FGGY: variants seen among roughly 807,000 people sequenced by gnomAD.
FGGY encodes FGGY carbohydrate kinase domain-containing protein.
Under a neutral mutation model 71.3 loss-of-function variants are expected in FGGY, and 72 were observed. The observed-to-expected ratio is 1.01, with a 90% CI of 0.84 to 1.23. The LOEUF (loss-of-function observed/expected upper bound fraction) is 1.23. Ranked by LOEUF, FGGY falls within the 50% of genes most tolerant of loss-of-function variation. The probability of loss-of-function intolerance (pLI) is 0.00; values close to 1 mark genes in which losing one functional copy is unlikely to be tolerated. For synonymous variants in FGGY, 251 were observed against 250.3 expected (o/e 1.00, Z -0.02); for missense variants, 668 against 682.3 (o/e 0.98, Z 0.23).
chr1:59,442,851 A>G (rs1033355360), intron 5 of FGGY, among the ~76,000 whole-genome samples: 3 of 152,230 alleles, frequency 2.0e-5, no homozygotes, highest in African/African-American at 7.2e-5. Context: ...ATTTTGCACA[A>G]TGGGAAAAGA....
intron 5 of FGGY, among the ~76,000 whole-genome samples, chr1:59,441,005 C>G (rs1223198272): frequency 6.6e-6 from 1 of 152,060 alleles, no homozygotes; most frequent in African/African-American, 2.4e-5. Context: ...GCGTTTTTCT[C>G]TGGTATTTAT....
intron 6 of FGGY, among the ~76,000 whole-genome samples, chr1:59,491,926 C>A (rs781685007): frequency 6.6e-6 from 1 of 152,014 alleles, no homozygotes; most frequent in East Asian, 1.9e-4. Flanking sequence ...ATAATAGACG[C>A]GTGTCGTTCT....
intron 4 of FGGY, 56 bp downstream of exon 4, chr1:59,346,454 T>TGTGGACCTGTAGGTACC (rs1557624432): frequency 3.8e-6 from 6 of 1,588,010 alleles, no homozygotes. Flanking sequence ...TTCCTGTTAC[T>TGTGGACCTGTAGGTACC]GTGGACCTGT....
At chr1:59,616,676 A>T (rs1436098769) in intron 9 of FGGY, among the ~76,000 whole-genome samples, 2 of 152,082 alleles carry the variant, frequency 1.3e-5, no homozygotes, top group East Asian at 3.9e-4. Context: ...ATTAATTGTA[A>T]TAATTGTAGC....
chr1:59,393,852 C>T (rs2060996428), intron 5 of FGGY, among the ~76,000 whole-genome samples: 1 of 152,050 alleles, frequency 6.6e-6, no homozygotes. Context: ...ATTTTGGCCC[C>T]CAACCCCCTC....
At chr1:59,436,986 T>G (rs1572135439) in intron 5 of FGGY, among the ~76,000 whole-genome samples, 1 of 152,132 alleles carries the variant, frequency 6.6e-6, no homozygotes. Context: ...CCTGACCCAT[T>G]GTTAATTAGA....
chr1:59,587,316 C>T (rs2096318616), intron 8 of FGGY, among the ~76,000 whole-genome samples: 1 of 152,052 alleles, frequency 6.6e-6, no homozygotes, highest in Non-Finnish European at 1.5e-5. Flanking sequence ...TGGAGCCCAC[C>T]ACAGCTCAAG....
chr1:59,565,040 G>A (rs1026878965), intron 8 of FGGY, among the ~76,000 whole-genome samples: 7 of 152,134 alleles, frequency 4.6e-5, no homozygotes, highest in African/African-American at 1.7e-4. Context: ...TTCTCCCAAG[G>A]GTACAAGGGA....
intron 5 of FGGY, among the ~76,000 whole-genome samples, chr1:59,412,555 G>A (rs967804860): frequency 1.1e-4 from 17 of 152,012 alleles, no homozygotes; most frequent in Admixed American, 3.3e-4. Context: ...TGCTGTCTCG[G>A]GGACCCAGGA....
chr1:59,374,888 T>G lies in FGGY; in HGVS notation c.466-3861T>G, dbSNP rs905652587. On this transcript the variant is annotated intron_variant, in intron 4 of 15. Coordinates refer to ENST00000303721, the MANE Select transcript of FGGY (RefSeq NM_018291.5). ...ACACATGGTCACAGGAAGGGGAACA[T>G]CACACTCTGGGGACTGTTGTGGGGT... Among the ~76,000 whole-genome samples the G allele has an allele frequency of 2.3e-4, 26 of 111,712 alleles. 1 individual carries two copies. The highest frequency in any genetic ancestry group is 1.3e-3 in the Admixed American group (10 of 7,524). The allele number at this position is 111,712 out of a possible 152,430, so 73.3% of individuals were successfully genotyped here.
At chr1:59,435,200 C>T (rs1186914327) in intron 5 of FGGY, among the ~76,000 whole-genome samples, 1 of 152,162 alleles carries the variant, frequency 6.6e-6, no homozygotes, top group African/African-American at 2.4e-5. Context: ...ATTATGTCCC[C>T]TGTTTTATAA....
rs1175208000 is a variant in FGGY at position 59,609,628 on chromosome 1, T to C, written c.1011+1718T>C. 4.6e-5 allele frequency among the ~76,000 whole-genome samples: 7 copies of C among 152,262 alleles called. No individual in the cohort carries two copies. The East Asian group carries it at 9.6e-4, about 21-fold the overall frequency. On this transcript the variant is annotated intron_variant, in intron 9 of 15. Coordinates refer to ENST00000303721, the MANE Select transcript of FGGY (RefSeq NM_018291.5). ...CTGTTAAATTGGAAATATCTGCTTA[T>C]GTTATGATGTGATTTGCCTACCAAC...
intron 14 of FGGY, among the ~76,000 whole-genome samples, chr1:59,757,041 T>TG (rs1475541612): frequency 3.3e-5 from 5 of 152,126 alleles, no homozygotes; most frequent in Admixed American, 6.6e-5. Flanking sequence ...GAATAAGAAG[T>TG]TGTACACATG....
chr1:59,731,092 A>G (rs1295105254), intron 14 of FGGY, among the ~76,000 whole-genome samples: 1 of 152,234 alleles, frequency 6.6e-6, no homozygotes, highest in Non-Finnish European at 1.5e-5. Flanking sequence ...CACGACTCAG[A>G]GTCTGGTGGA....
At chr1:59,474,548 C>T (rs2093164591) in intron 6 of FGGY, among the ~76,000 whole-genome samples, 1 of 152,186 alleles carries the variant, frequency 6.6e-6, no homozygotes, top group Non-Finnish European at 1.5e-5. Flanking sequence ...AATGTGAGGA[C>T]ATTTAGCCAA....
chr1:59,574,402 C>A (rs1196909691), intron 8 of FGGY, among the ~76,000 whole-genome samples: 1 of 152,112 alleles, frequency 6.6e-6, no homozygotes, highest in Non-Finnish European at 1.5e-5. Context: ...CCAAGATTGT[C>A]TCCTCATGTC....
chr1:59,336,151 A>C (rs74500184), intron 2 of FGGY, among the ~76,000 whole-genome samples: 4,488 of 152,166 alleles, frequency 0.029, 190 homozygotes, highest in African/African-American at 0.1. Flanking sequence ...GTTTTGAGTT[A>C]AGTTTTGTGT....
chr1:59,554,363 G>A (rs1328062645), intron 8 of FGGY, 136 bp downstream of exon 8: 2 of 598,422 alleles, frequency 3.3e-6, no homozygotes, highest in Admixed American at 3.3e-5. Context: ...TGTCTAGCCA[G>A]AAGCCCAGCT....
intron 11 of FGGY, among the ~76,000 whole-genome samples, chr1:59,646,581 A>G (rs1051171190): frequency 4.0e-5 from 6 of 151,636 alleles, no homozygotes; most frequent in Non-Finnish European, 7.4e-5. Context: ...TATATATTTT[A>G]CTGAAGTGAC....
Sources: allele counts gnomAD v4.1 joint callset (sites outside exome capture counted in the v4.1 genomes callset), GRCh38; gene constraint gnomAD v4.1.1; transcripts MANE v1.5; gene names NCBI Gene and HGNC (gene_info 2026-07-23, HGNC 2026-07-21).